The following CYP2C19 variants were observed in gnomAD, a reference collection of about 807,000 sequenced individuals.
CYP2C19 encodes cytochrome P450 family 2 subfamily C member 19.
A neutral mutation model predicts 40.9 loss-of-function variants in CYP2C19; 59 were observed. The ratio of observed to expected loss-of-function variants is 1.44; its 90% CI spans 1.17 to 1.79. The LOEUF is 1.79. CYP2C19 is among the 40% of genes most tolerant of loss of function. The pLI, the probability that CYP2C19 is intolerant of heterozygous loss-of-function variation, is 0.00. For synonymous variants in CYP2C19, 253 were observed against 208.7 expected (o/e 1.21, Z -1.83); for missense variants, 754 against 596.9 (o/e 1.26, Z -2.74).
At chr10:94,763,976 C>T (rs1848208346) in intron 1 of CYP2C19, among the ~76,000 whole-genome samples, 2 of 152,006 alleles carry the variant, frequency 1.3e-5, no homozygotes, top group African/African-American at 2.4e-5. Context: ...CGCAGACCTT[C>T]GCAATGAGTG....
rs190483728 is a variant in CYP2C19, at chr10:94,793,140, T to C, written c.819+11143T>C. 1.7e-3 allele frequency among the ~76,000 whole-genome samples: 259 copies of C among 152,292 alleles called. 2 individuals are homozygous for C. Among genetic ancestry groups the C allele is most frequent in the Non-Finnish European group, 2.9e-3 (198 of 68,016 alleles). On this transcript the variant is annotated intron_variant, in intron 5 of 8. Coordinates refer to ENST00000371321, the MANE Select transcript of CYP2C19 (RefSeq NM_000769.4). ...CTCTGATACCCTTTCTTCCACTAGA[T>C]TGAATCGGCTACTGAAGCTTGTGCA...
At position 94,775,017 on chromosome 10, in the gene CYP2C19, A is replaced by G. The variant is rs1241328693; in HGVS notation, c.169-41A>G. ...AAGTCAGGCTTAGTAAATGGACAAA[A>G]CAGTGACTTCATTTGCTGTTAACTG... On this transcript the variant is annotated intron_variant, in intron 1 of 8. Coordinates refer to ENST00000371321, the MANE Select transcript of CYP2C19 (RefSeq NM_000769.4). The G allele has an allele frequency of 6.2e-6, 10 of 1,605,006 alleles. No individual in the cohort carries two copies. The South Asian group carries it at 1.1e-4, about 18-fold the overall frequency.
At chr10:94,818,986 G>T (rs1849064466) in intron 5 of CYP2C19, among the ~76,000 whole-genome samples, 1 of 150,838 alleles carries the variant, frequency 6.6e-6, no homozygotes. Flanking sequence ...CACATAGTTG[G>T]AAGTAAAGCT....
intron 5 of CYP2C19, among the ~76,000 whole-genome samples, chr10:94,813,635 C>G (rs961883956): frequency 6.6e-6 from 1 of 151,868 alleles, no homozygotes; most frequent in Non-Finnish European, 1.5e-5. Context: ...CCTCAACACC[C>G]CCCCCAAGCT....
At chr10:94,802,491 TG>T (rs1367854092) in intron 5 of CYP2C19, among the ~76,000 whole-genome samples, 1 of 152,128 alleles carries the variant, frequency 6.6e-6, no homozygotes, top group African/African-American at 2.4e-5. Context: ...GCATGTGAGA[TG>T]GGTCTCCTGA....
chr10:94,838,922 G>C (rs948233794), intron 6 of CYP2C19, among the ~76,000 whole-genome samples: 17 of 152,130 alleles, frequency 1.1e-4, no homozygotes, highest in African/African-American at 4.1e-4. Context: ...CGGTACTGCA[G>C]AAAAATATAA....
At chr10:94,810,861 G>C (rs1405948438) in intron 5 of CYP2C19, among the ~76,000 whole-genome samples, 1 of 151,812 alleles carries the variant, frequency 6.6e-6, no homozygotes, top group Non-Finnish European at 1.5e-5. Context: ...TATTTTGAAG[G>C]GATTTTCCTG....
At chr10:94,777,266 G>T (rs929540732) in intron 3 of CYP2C19, among the ~76,000 whole-genome samples, 1 of 152,084 alleles carries the variant, frequency 6.6e-6, no homozygotes, top group Non-Finnish European at 1.5e-5. Context: ...CCATCAAGCT[G>T]CCATTGAGTT....
chr10:94,811,566 T>A (rs928999875), intron 5 of CYP2C19, among the ~76,000 whole-genome samples: 3 of 152,186 alleles, frequency 2.0e-5, no homozygotes, highest in Non-Finnish European at 4.4e-5. Flanking sequence ...TGGGTGCTCC[T>A]GTATTGGGTG....
intron 5 of CYP2C19, among the ~76,000 whole-genome samples, chr10:94,799,122 T>G (rs1044258931): frequency 6.6e-6 from 1 of 152,110 alleles, no homozygotes; most frequent in African/African-American, 2.4e-5. Context: ...ATTTAGCATG[T>G]TTTTGTAGTG....
intron 5 of CYP2C19, among the ~76,000 whole-genome samples, chr10:94,818,462 T>C (rs1849050556): frequency 6.6e-6 from 1 of 151,630 alleles, no homozygotes; most frequent in South Asian, 2.1e-4. Flanking sequence ...TGGCATTGAA[T>C]CTGTAAATTA....
At chr10:94,839,404 A>G (rs1395497373) in intron 6 of CYP2C19, among the ~76,000 whole-genome samples, 1 of 152,124 alleles carries the variant, frequency 6.6e-6, no homozygotes, top group Non-Finnish European at 1.5e-5. Context: ...GCCTTTCTTG[A>G]CCACAAAGAA....
chr10:94,830,186 G>T (rs1188627400), intron 6 of CYP2C19, among the ~76,000 whole-genome samples: 4 of 152,234 alleles, frequency 2.6e-5, no homozygotes, highest in Non-Finnish European at 4.4e-5. Flanking sequence ...GCTCCACCCA[G>T]TTCCAGCTTC....
At chr10:94,836,740 T>C (rs567776255) in intron 6 of CYP2C19, among the ~76,000 whole-genome samples, 2 of 152,328 alleles carry the variant, frequency 1.3e-5, no homozygotes, top group South Asian at 4.1e-4. Flanking sequence ...TAACCTGCTG[T>C]GAGCAGAGCT....
chr10:94,808,082 A>G (rs1045388428), intron 5 of CYP2C19, among the ~76,000 whole-genome samples: 6 of 152,212 alleles, frequency 3.9e-5, no homozygotes, highest in Middle Eastern at 3.4e-3. Context: ...ATTTTTCTGC[A>G]TATAAACATC....
intron 6 of CYP2C19, among the ~76,000 whole-genome samples, chr10:94,827,592 G>A (rs180796407): frequency 6.6e-6 from 1 of 151,942 alleles, no homozygotes; most frequent in Admixed American, 6.6e-5. Context: ...TATCAATTTT[G>A]TTGATCCTTT....
In CYP2C19 at chr10:94,780,655, T is replaced by A; in HGVS notation, c.638T>A (p.Ile213Asn). 1 of 1,613,618 alleles carries A rather than the reference T, an allele frequency of 6.2e-7. No individual in the cohort carries two copies. The highest frequency in any genetic ancestry group is 8.5e-7 in the Non-Finnish European group (1 of 1,179,772). The change falls in exon 4 of 9, where the codon ATC becomes AAC. Residue 213 changes from isoleucine (I) to asparagine (N), a missense_variant. Ile to Asn is a moderately radical substitution (Grantham distance 149). Coordinates refer to ENST00000371321, the MANE Select transcript of CYP2C19 (RefSeq NM_000769.4). ...ENIRIVSTPWIQICNNFPTII... is the reference protein window; with the variant it reads ...ENIRIVSTPWNQICNNFPTII... ...ATCAGGATTGTAAGCACCCCCTGGA[T>A]CCAGGTAAGGCCAAGTTTTTTGCTT...
chr10:94,818,306 T>C lies in CYP2C19; in HGVS notation c.820-2190T>C, dbSNP rs1274334696. Among the ~76,000 whole-genome samples the C allele has an allele frequency of 6.0e-5, 9 of 150,274 alleles. No homozygotes were observed. In the East Asian group the frequency reaches 1.4e-3, roughly 23 times the overall value. On this transcript the variant is annotated intron_variant, in intron 5 of 8. Coordinates refer to ENST00000371321, the MANE Select transcript of CYP2C19 (RefSeq NM_000769.4). ...TGGTTACTGTAGCCTTGTAGTATAG[T>C]TTGAAGTCAGGTAGTGTGATGCCTC...
chr10:94,833,830 T>C (rs1041109802), intron 6 of CYP2C19, among the ~76,000 whole-genome samples: 1 of 152,244 alleles, frequency 6.6e-6, no homozygotes, highest in African/African-American at 2.4e-5. Flanking sequence ...TGAACCATCC[T>C]TGCATCCCAG....
Sources: gnomAD v4.1 joint callset for allele counts (sites outside exome capture counted in the v4.1 genomes callset) on GRCh38, gnomAD v4.1.1 for gene constraint, MANE v1.5 for transcripts, NCBI Gene and HGNC (gene_info 2026-07-23, HGNC 2026-07-21) for gene names.